Variants in DIP2C observed in about 807,000 individuals in gnomAD.
The protein encoded by DIP2C is DIP2 acetate--CoA ligase C (putative), also known as disco-interacting protein 2 homolog C.
DIP2C carries 33 observed loss-of-function variants against 192.4 expected under a neutral mutation model. That is an observed-to-expected ratio of 0.17 (90% CI 0.13 to 0.23). The LOEUF (loss-of-function observed/expected upper bound fraction) is 0.23. Among genes scored for constraint, DIP2C ranks in the 10% least tolerant of loss-of-function variants. The pLI, the probability that DIP2C is intolerant of heterozygous loss-of-function variation, is 1.00. For synonymous variants in DIP2C, 979 were observed against 864.1 expected (o/e 1.13, Z -2.33); for missense variants, 1,537 against 2,110.1 (o/e 0.73, Z 5.32).
intron 29 of DIP2C, among the ~76,000 whole-genome samples, chr10:338,772 G>A (rs1347148288): frequency 6.8e-6 from 1 of 147,624 alleles, no homozygotes; most frequent in Non-Finnish European, 1.5e-5. Context: ...TGCCTGGCTG[G>A]CACTGCCCAC....
chr10:579,857 A>G (rs1850480915), intron 1 of DIP2C, among the ~76,000 whole-genome samples: 2 of 152,126 alleles, frequency 1.3e-5, no homozygotes, highest in Admixed American at 1.3e-4. Context: ...TACAGTGTAC[A>G]TGCATATGTA....
At chr10:528,901 C>A (rs1226069012) in intron 1 of DIP2C, among the ~76,000 whole-genome samples, 1 of 152,216 alleles carries the variant, frequency 6.6e-6, no homozygotes, top group Non-Finnish European at 1.5e-5. Flanking sequence ...TAGGTCCCCA[C>A]ATGAACAGAA....
chr10:432,966 T>C (rs1329998675), intron 4 of DIP2C, among the ~76,000 whole-genome samples: 10 of 152,230 alleles, frequency 6.6e-5, no homozygotes, highest in African/African-American at 2.2e-4. Flanking sequence ...TCTACTTCAT[T>C]GTGGTTGAGA....
At position 615,573 on chromosome 10, in the gene DIP2C, C is replaced by T. The variant is rs538878073; in HGVS notation, c.85+73921G>A. On this transcript the variant is annotated intron_variant, in intron 1 of 36. Transcript: ENST00000280886. ...CATCAAATTCACCAGTTTTACAAAA[C>T]GTCTATTTACTTCGGATGCCAGAAG... Among the ~76,000 whole-genome samples, 10 of 152,244 alleles carry T rather than the reference C, an allele frequency of 6.6e-5. 1 individual carries two copies. The highest frequency in any genetic ancestry group is 2.2e-4 in the African/African-American group (9 of 41,522).
At chr10:597,194 G>A (rs1342674276) in intron 1 of DIP2C, among the ~76,000 whole-genome samples, 2 of 152,170 alleles carry the variant, frequency 1.3e-5, no homozygotes, top group African/African-American at 2.4e-5. Context: ...TTCTGCCCCC[G>A]GTGCTCCTGG....
chr10:354,104 G>GTGCC, intron 24 of DIP2C, among the ~76,000 whole-genome samples: 1 of 152,256 alleles, frequency 6.6e-6, no homozygotes, highest in Non-Finnish European at 1.5e-5. Context: ...TAGCTCAAGC[G>GTGCC]TGCCTGCCTC....
intron 10 of DIP2C, among the ~76,000 whole-genome samples, chr10:398,128 C>A (rs1437151312): frequency 6.6e-6 from 1 of 152,214 alleles, no homozygotes; most frequent in Non-Finnish European, 1.5e-5. Flanking sequence ...TGGGGAAAAT[C>A]TACATTCTGT....
intron 1 of DIP2C, among the ~76,000 whole-genome samples, chr10:509,506 C>T (rs899440444): frequency 3.9e-5 from 6 of 152,162 alleles, no homozygotes; most frequent in South Asian, 2.1e-4. Context: ...GGAGCAGAGC[C>T]GGCTTCCGCA....
intron 7 of DIP2C, 116 bp downstream of exon 7, chr10:415,653 G>T: frequency 1.4e-6 from 2 of 1,424,676 alleles, no homozygotes; most frequent in Non-Finnish European, 1.9e-6. Flanking sequence ...CCCATCATGC[G>T]GCAAATGCCA....
At chr10:482,078 G>A (rs1283926432) in intron 2 of DIP2C, among the ~76,000 whole-genome samples, 2 of 152,204 alleles carry the variant, frequency 1.3e-5, no homozygotes, top group Admixed American at 6.5e-5. Context: ...AAGGATCAGG[G>A]GAGAAATCCC....
intron 13 of DIP2C, 88 bp from the exon 14 acceptor site, chr10:387,897 G>A (rs761305940): frequency 8.8e-5 from 116 of 1,314,974 alleles, no homozygotes; most frequent in Non-Finnish European, 1.3e-4. Flanking sequence ...TTGCATCAGG[G>A]GAAATAACAG....
At chr10:618,066 T>G (rs562247158) in intron 1 of DIP2C, among the ~76,000 whole-genome samples, 4 of 152,182 alleles carry the variant, frequency 2.6e-5, no homozygotes, top group Non-Finnish European at 5.9e-5. Flanking sequence ...TCCAAAATAC[T>G]CTTTCAGAAT....
At chr10:380,966 A>G (rs1962316857) in intron 17 of DIP2C, among the ~76,000 whole-genome samples, 1 of 152,212 alleles carries the variant, frequency 6.6e-6, no homozygotes, top group South Asian at 2.1e-4. Flanking sequence ...CACAGAGGGA[A>G]GTTTCCCTTC....
At position 662,145 on chromosome 10, in the gene DIP2C, A is replaced by G. The variant is rs746347721; in HGVS notation, c.85+27349T>C. ...TAAGGACTTCCACATTCTGACCCCA[A>G]TCTAACTTTCTGCCCTCAGATAGGC... is the stretch of plus-strand genomic sequence containing the variant. On this transcript the variant is annotated intron_variant, in intron 1 of 36. Coordinates refer to ENST00000280886, the MANE Select transcript of DIP2C (RefSeq NM_014974.3). 20 of 716,972 alleles carry G rather than the reference A, an allele frequency of 2.8e-5. 1 individual carries two copies. In the South Asian group the frequency reaches 3.0e-4, roughly 11 times the overall value. 44.4% of individuals were successfully genotyped at this position (716,972 alleles called of 1,614,324 possible).
At chr10:571,346 C>G (rs1436314204) in intron 1 of DIP2C, among the ~76,000 whole-genome samples, 1 of 152,196 alleles carries the variant, frequency 6.6e-6, no homozygotes, top group Non-Finnish European at 1.5e-5. Context: ...TAAGGGTCAG[C>G]CCTGCCAGGC....
At chr10:674,789 T>TATATATATATAGAGAGAGAGAGAGAG in intron 1 of DIP2C, among the ~76,000 whole-genome samples, 7 of 62,478 alleles carry the variant, frequency 1.1e-4, no homozygotes, top group African/African-American at 3.6e-4. Flanking sequence ...TATATATATA[T>TATATATATATAGAGAGAGAGAGAGAG]AGAGAGAGAG....
At chr10:555,749 G>A (rs758677803) in intron 1 of DIP2C, among the ~76,000 whole-genome samples, 10 of 152,100 alleles carry the variant, frequency 6.6e-5, no homozygotes, top group Non-Finnish European at 1.3e-4. Context: ...AATCTATAGA[G>A]GAAGGACTAG....
At chr10:565,358 A>AT (rs1333597955) in intron 1 of DIP2C, among the ~76,000 whole-genome samples, 2 of 151,082 alleles carry the variant, frequency 1.3e-5, no homozygotes, top group African/African-American at 4.9e-5. Flanking sequence ...GCATTCTAAA[A>AT]AAAAAAAAAA....
At chr10:595,729 A>G (rs2131665066) in intron 1 of DIP2C, among the ~76,000 whole-genome samples, 1 of 152,316 alleles carries the variant, frequency 6.6e-6, no homozygotes, top group Admixed American at 6.5e-5. Context: ...GCATGTAGGA[A>G]ATGTCGGCCC....
Sources: allele counts gnomAD v4.1 joint callset (sites outside exome capture counted in the v4.1 genomes callset), GRCh38; gene constraint gnomAD v4.1.1; transcripts MANE v1.5; gene names NCBI Gene and HGNC (gene_info 2026-07-23, HGNC 2026-07-21).